Variants in RBFOX1 observed in about 807,000 individuals in gnomAD.
RBFOX1 encodes RNA binding fox-1 homolog 1, also known as RNA binding protein fox-1 homolog 1.
In RBFOX1, 8 loss-of-function variants were observed where a neutral mutation model predicts 57.7. That is an observed-to-expected ratio of 0.14 (90% CI 0.08 to 0.25). The LOEUF is 0.25. RBFOX1 is among the 10% of genes least tolerant of loss of function. The pLI is 1.00. For missense variants in RBFOX1, 611 were observed against 548.5 expected (o/e 1.11, Z -1.14); for synonymous variants, 326 against 222.4 (o/e 1.47, Z -4.15).
At chr16:7,410,339 G>T (rs2098411246) in intron 4 of RBFOX1, among the ~76,000 whole-genome samples, 1 of 152,160 alleles carries the variant, frequency 6.6e-6, no homozygotes, top group Admixed American at 6.5e-5. Flanking sequence ...GGAATAATTT[G>T]CCCAATGACA....
At chr16:5,678,444 A>T (rs1188375383) in intron 3 of RBFOX1, among the ~76,000 whole-genome samples, 1 of 152,180 alleles carries the variant, frequency 6.6e-6, no homozygotes, top group Non-Finnish European at 1.5e-5. Context: ...ACCCTAATCA[A>T]TATAGAAAGT....
At chr16:7,350,245 T>G (rs74010646) in intron 4 of RBFOX1, among the ~76,000 whole-genome samples, 30,192 of 152,024 alleles carry the variant, frequency 0.2, 4,826 homozygotes, top group African/African-American at 0.45. Flanking sequence ...GACAAGTAGG[T>G]GCCAGCTGTG....
At chr16:7,405,831 C>A (rs567277110) in intron 4 of RBFOX1, among the ~76,000 whole-genome samples, 13 of 152,110 alleles carry the variant, frequency 8.5e-5, no homozygotes, top group Admixed American at 8.5e-4. Flanking sequence ...CTCTTCCATA[C>A]CTGGAGCATT....
intron 3 of RBFOX1, among the ~76,000 whole-genome samples, chr16:5,813,920 T>G (rs2055526807): frequency 6.6e-6 from 1 of 152,228 alleles, no homozygotes; most frequent in Non-Finnish European, 1.5e-5. Context: ...AATTTTAGGA[T>G]TGGCTTATCG....
chr16:6,500,378 C>T (rs1196451449), intron 2 of RBFOX1, among the ~76,000 whole-genome samples: 1 of 152,122 alleles, frequency 6.6e-6, no homozygotes, highest in Non-Finnish European at 1.5e-5. Flanking sequence ...ACACTCAGAG[C>T]TTCTCACTAG....
intron 4 of RBFOX1, among the ~76,000 whole-genome samples, chr16:7,336,886 A>G (rs1035804306): frequency 2.8e-4 from 43 of 152,172 alleles, no homozygotes; most frequent in African/African-American, 1.0e-3. Context: ...CTATTTATAG[A>G]CTTTCTTTAT....
intron 3 of RBFOX1, among the ~76,000 whole-genome samples, chr16:5,864,187 G>T (rs546706236): frequency 3.9e-4 from 60 of 152,284 alleles, no homozygotes; most frequent in Non-Finnish European, 5.9e-4. Context: ...AGTTTGCTAA[G>T]GATAATGGCC....
At chr16:7,319,899 G>T (rs1178194016) in intron 4 of RBFOX1, among the ~76,000 whole-genome samples, 1 of 152,110 alleles carries the variant, frequency 6.6e-6, no homozygotes, top group Non-Finnish European at 1.5e-5. Flanking sequence ...CTTGTTAAAA[G>T]ACTGGATGAG....
At chr16:6,331,848 C>T (rs2083078510) in intron 2 of RBFOX1, among the ~76,000 whole-genome samples, 1 of 151,746 alleles carries the variant, frequency 6.6e-6, no homozygotes, top group Admixed American at 6.6e-5. Context: ...TTAAAGTTTG[C>T]TTGGTGGGGT....
intron 4 of RBFOX1, among the ~76,000 whole-genome samples, chr16:5,873,167 C>G (rs1344457359): frequency 6.6e-6 from 1 of 150,874 alleles, no homozygotes; most frequent in African/African-American, 2.4e-5. Context: ...AAGAAACAAA[C>G]AACAACAACA....
chr16:6,622,262 T>G (rs2098243819), intron 2 of RBFOX1, among the ~76,000 whole-genome samples: 1 of 152,212 alleles, frequency 6.6e-6, no homozygotes, highest in Non-Finnish European at 1.5e-5. Context: ...AACAGCAGAC[T>G]ACATATATGA....
chr16:6,966,432 C>T (rs192443386), intron 3 of RBFOX1, among the ~76,000 whole-genome samples: 4 of 152,024 alleles, frequency 2.6e-5, no homozygotes, highest in African/African-American at 4.8e-5. Flanking sequence ...TTCCAGAGGT[C>T]CCTGGGCGAG....
At chr16:6,653,043 C>T (rs902214679) in intron 2 of RBFOX1, among the ~76,000 whole-genome samples, 1 of 152,144 alleles carries the variant, frequency 6.6e-6, no homozygotes, top group African/African-American at 2.4e-5. Context: ...GGCCTCCTTC[C>T]TCTTGCTTGG....
At chr16:5,276,915 C>T (rs898194334) in intron 1 of RBFOX1, among the ~76,000 whole-genome samples, 5 of 152,114 alleles carry the variant, frequency 3.3e-5, no homozygotes, top group African/African-American at 1.2e-4. Context: ...GTACATCTAC[C>T]ATTTGATCCA....
chr16:7,709,997 G>T (rs7191615), intron 15 of RBFOX1: 1 of 1,006,992 alleles, frequency 9.9e-7, no homozygotes, highest in Non-Finnish European at 1.2e-6. Context: ...AAAGGAAATC[G>T]TTAAGTGCCA....
intron 1 of RBFOX1, among the ~76,000 whole-genome samples, chr16:6,280,371 C>A (rs2076248334): frequency 6.6e-6 from 1 of 152,112 alleles, no homozygotes; most frequent in Non-Finnish European, 1.5e-5. Flanking sequence ...TCTTTCATAT[C>A]TATCAGCTCA....
At chr16:6,502,629 T>C (rs1290738509) in intron 2 of RBFOX1, among the ~76,000 whole-genome samples, 1 of 152,184 alleles carries the variant, frequency 6.6e-6, no homozygotes, top group African/African-American at 2.4e-5. Flanking sequence ...CCATGGTGGA[T>C]AAGTTGTGCT....
chr16:6,662,933 C>G (rs947397122), intron 3 of RBFOX1, among the ~76,000 whole-genome samples: 1 of 152,138 alleles, frequency 6.6e-6, no homozygotes, highest in Non-Finnish European at 1.5e-5. Context: ...AAGAAAAGCA[C>G]ATGGATGTGT....
At chr16:6,848,692 G>A (rs901580282) in intron 3 of RBFOX1, among the ~76,000 whole-genome samples, 3 of 152,056 alleles carry the variant, frequency 2.0e-5, no homozygotes, top group African/African-American at 7.2e-5. Flanking sequence ...CTGGGCAGAT[G>A]GATGGAATGA....
Sources: allele counts gnomAD v4.1 joint callset (sites outside exome capture counted in the v4.1 genomes callset), GRCh38; gene constraint gnomAD v4.1.1; transcripts MANE v1.5; gene names NCBI Gene and HGNC (gene_info 2026-07-23, HGNC 2026-07-21).